The following PDSS1 variants were observed in gnomAD, a reference collection of about 807,000 sequenced individuals.
The protein encoded by PDSS1 is decaprenyl diphosphate synthase subunit 1, also known as all trans-polyprenyl-diphosphate synthase PDSS1.
A neutral mutation model predicts 57.5 loss-of-function variants in PDSS1; 43 were observed. The observed-to-expected ratio is 0.75, with a 90% confidence interval of 0.59 to 0.96. The LOEUF (loss-of-function observed/expected upper bound fraction) is 0.96, where lower values mean the gene tolerates loss of function less well. Ranked by LOEUF, PDSS1 falls within the 50% of genes least tolerant of loss-of-function variation. The probability of loss-of-function intolerance (pLI) is 0.00; values close to 1 mark genes in which losing one functional copy is unlikely to be tolerated. For synonymous variants in PDSS1, 175 were observed against 191.3 expected (o/e 0.91, Z 0.70); for missense variants, 438 against 527.8 (o/e 0.83, Z 1.67).
intron 11 of PDSS1, among the ~76,000 whole-genome samples, chr10:26,745,875 A>G (rs1363137603): frequency 6.6e-6 from 1 of 151,916 alleles, no homozygotes; most frequent in Non-Finnish European, 1.5e-5. Flanking sequence ...AAAAAAAACT[A>G]TTGGATAAAG....
Position 26,735,540 on chromosome 10 carries a change from C to T in PDSS1, c.987C>T (p.Leu329=), listed in dbSNP as rs769755433. 16 of 1,613,810 alleles carry T rather than the reference C, an allele frequency of 9.9e-6. No individual in the cohort carries two copies. Among genetic ancestry groups the T allele is most frequent in the African/African-American group, 8.0e-5 (6 of 74,916 alleles). Residue 329 remains leucine (L), a synonymous_variant, in exon 10 of 12, where the codon CTC becomes CTT. Coordinates refer to ENST00000376215, the MANE Select transcript of PDSS1 (RefSeq NM_014317.5). ...MGKPTSADLK[L]GLATGPVLFA... ...AACCAACATCAGCTGATCTGAAGCT[C>T]GGGTTAGCCACTGGTCCTGTCCTGT...
At chr10:26,719,338 C>T (rs1835705046) in intron 5 of PDSS1, among the ~76,000 whole-genome samples, 1 of 152,180 alleles carries the variant, frequency 6.6e-6, no homozygotes, top group Non-Finnish European at 1.5e-5. Context: ...CTTCTTGAGC[C>T]TACTTATCCT....
intron 5 of PDSS1, 110 bp downstream of exon 5, chr10:26,709,878 C>T: frequency 8.8e-7 from 1 of 1,139,688 alleles, no homozygotes; most frequent in Non-Finnish European, 1.3e-6. Context: ...ACCGGCTGGG[C>T]ATGGTGGCTC....
intron 8 of PDSS1, among the ~76,000 whole-genome samples, chr10:26,727,322 TTC>T (rs201547401): frequency 6.0e-4 from 88 of 145,968 alleles, no homozygotes; most frequent in Admixed American, 1.2e-3. Context: ...CCTGCCTTGT[TTC>T]TCTCTCTCTC....
chr10:26,708,740 C>T (rs1236398853), intron 4 of PDSS1, among the ~76,000 whole-genome samples: 1 of 152,112 alleles, frequency 6.6e-6, no homozygotes, highest in Admixed American at 6.5e-5. Flanking sequence ...AACAGCTTTG[C>T]CCCTGGGAGT....
At chr10:26,723,550 C>G (rs941076470) in intron 6 of PDSS1, among the ~76,000 whole-genome samples, 1 of 152,210 alleles carries the variant, frequency 6.6e-6, no homozygotes, top group African/African-American at 2.4e-5. Context: ...AGTTCAAACA[C>G]TGTCCCAAAT....
chr10:26,713,262 A>G (rs769738907), intron 5 of PDSS1, among the ~76,000 whole-genome samples: 1 of 151,074 alleles, frequency 6.6e-6, no homozygotes, highest in Non-Finnish European at 1.5e-5. Flanking sequence ...ATTGCATTCC[A>G]TCCTGGGAAC....
intron 6 of PDSS1, among the ~76,000 whole-genome samples, chr10:26,721,449 C>CACAT (rs1564426018): frequency 6.6e-6 from 1 of 151,778 alleles, no homozygotes; most frequent in African/African-American, 2.4e-5. Flanking sequence ...CACACACACA[C>CACAT]ATACATATAT....
At chr10:26,704,043 C>G (rs921179425) in intron 2 of PDSS1, among the ~76,000 whole-genome samples, 1 of 117,856 alleles carries the variant, frequency 8.5e-6, no homozygotes, top group African/African-American at 3.1e-5. Flanking sequence ...GATAGCGCCA[C>G]TGCACTCCAG....
At chr10:26,722,750 A>C (rs1835829786) in intron 6 of PDSS1, among the ~76,000 whole-genome samples, 1 of 152,106 alleles carries the variant, frequency 6.6e-6, no homozygotes, top group Non-Finnish European at 1.5e-5. Flanking sequence ...TATGCAAATT[A>C]ATGTGATATA....
chr10:26,714,635 G>T (rs1465985383), intron 5 of PDSS1: 1 of 152,184 alleles, frequency 6.6e-6, no homozygotes, highest in Admixed American at 6.5e-5. Flanking sequence ...CTGGCACCTG[G>T]ATCTTGGCAC....
intron 5 of PDSS1, among the ~76,000 whole-genome samples, chr10:26,719,047 C>T (rs113534844): frequency 8.5e-5 from 13 of 152,160 alleles, no homozygotes; most frequent in African/African-American, 2.6e-4. Context: ...TGTTCAGATT[C>T]GATTTTTAAA....
chr10:26,727,412 C>T (rs1216306235), intron 8 of PDSS1, among the ~76,000 whole-genome samples: 1 of 150,552 alleles, frequency 6.6e-6, no homozygotes, highest in Non-Finnish European at 1.5e-5. Context: ...GGCTCTCTTC[C>T]TATTACTTGA....
At chr10:26,720,100 C>T (rs538897764) in intron 5 of PDSS1, 118 bp from the exon 6 acceptor site, 22 of 1,446,242 alleles carry the variant, frequency 1.5e-5, no homozygotes, top group African/African-American at 9.8e-5. Flanking sequence ...GTTTTTATAC[C>T]GTTTCTCTTA....
chr10:26,742,369 A>C (rs1021672878), intron 10 of PDSS1, 128 bp from the exon 11 acceptor site: 1 of 740,930 alleles, frequency 1.3e-6, no homozygotes, highest in Non-Finnish European at 2.4e-6. Flanking sequence ...CCCCCACATC[A>C]TCTAGACACT....
Position 26,742,482 on chromosome 10 carries a change from C to T in PDSS1, c.1027-15C>T. 1 of 1,588,326 alleles carries T rather than the reference C, an allele frequency of 6.3e-7. No individual in the cohort carries two copies. The highest frequency in any genetic ancestry group is 8.6e-7 in the Non-Finnish European group (1 of 1,158,080). On this transcript the variant is annotated splice_polypyrimidine_tract_variant and intron_variant, in intron 10 of 11. Coordinates refer to ENST00000376215, the MANE Select transcript of PDSS1 (RefSeq NM_014317.5). Reference sequence around the variant, plus strand: ...ATAAATAGATTTTCTCAGATTTTCTCTCTTTTTTTGTTAGTTCCCAGAAAT... The same window carrying T: ...ATAAATAGATTTTCTCAGATTTTCTTTCTTTTTTTGTTAGTTCCCAGAAAT...
chr10:26,716,683 T>C (rs1227166949), intron 5 of PDSS1, among the ~76,000 whole-genome samples: 5 of 150,618 alleles, frequency 3.3e-5, no homozygotes, highest in African/African-American at 9.8e-5. Flanking sequence ...AGAGCAAGAC[T>C]CCATCTCAAA....
chr10:26,742,999 AAT>A (rs541440699), intron 11 of PDSS1, among the ~76,000 whole-genome samples: 397 of 152,358 alleles, frequency 2.6e-3, no homozygotes, highest in Middle Eastern at 0.014. Context: ...GGACTGCTGC[AAT>A]AGTCTACTCA....
At chr10:26,719,661 A>G (rs1338924148) in intron 5 of PDSS1, among the ~76,000 whole-genome samples, 1 of 152,080 alleles carries the variant, frequency 6.6e-6, no homozygotes, top group Non-Finnish European at 1.5e-5. Context: ...CCAGCTACTC[A>G]TGGAGGCTGA....
Sources: allele counts gnomAD v4.1 joint callset (sites outside exome capture counted in the v4.1 genomes callset), GRCh38; gene constraint gnomAD v4.1.1; transcripts MANE v1.5; gene names NCBI Gene and HGNC (gene_info 2026-07-23, HGNC 2026-07-21).